SP100: variants seen among roughly 807,000 people sequenced by gnomAD.
The protein encoded by SP100 is nuclear autoantigen Sp-100.
SP100 carries 84 observed loss-of-function variants against 130.0 expected under a neutral mutation model. The observed-to-expected ratio is 0.65, with a 90% confidence interval of 0.54 to 0.77. The LOEUF is 0.77. Ranked by LOEUF, SP100 falls within the 30% of genes least tolerant of loss-of-function variation. SP100 has a pLI of 0.00. For synonymous variants in SP100, 331 were observed against 351.7 expected (o/e 0.94, Z 0.66); for missense variants, 978 against 1,052.2 (o/e 0.93, Z 0.97).
intron 24 of SP100, among the ~76,000 whole-genome samples, chr2:230,513,702 C>T (rs921159068): frequency 3.5e-4 from 53 of 152,320 alleles, no homozygotes; most frequent in Non-Finnish European, 1.0e-4. Flanking sequence ...TAGGTCATGA[C>T]ACACAGCTAC....
At position 230,523,909 on chromosome 2, in the gene SP100, CA is replaced by C. The variant is rs968309896; in HGVS notation, c.2094+12754del. ...AAGTGACAAGAGTGAGACTCCATCT[CA>C]AAAAAAAAAATTATTGGTAAAATAA... On this transcript the variant is annotated intron_variant, in intron 24 of 28. Coordinates refer to ENST00000340126, the MANE Select transcript of SP100 (RefSeq NM_001080391.2). Among the ~76,000 whole-genome samples, 132 of 143,262 alleles carry C rather than the reference CA, an allele frequency of 9.2e-4. 1 individual carries two copies. The highest frequency in any genetic ancestry group is 4.4e-3 in the South Asian group (20 of 4,548). The allele number at this position is 143,262 out of a possible 152,430, so 94.0% of individuals were successfully genotyped here.
chr2:230,430,153 C>T (rs1383899767), intron 2 of SP100, among the ~76,000 whole-genome samples: 2 of 152,182 alleles, frequency 1.3e-5, no homozygotes, highest in Non-Finnish European at 2.9e-5. Context: ...GAGTTCTGGG[C>T]AGGTCAGCTG....
intron 24 of SP100, among the ~76,000 whole-genome samples, chr2:230,525,163 T>G (rs559784963): frequency 4.6e-5 from 7 of 151,870 alleles, no homozygotes; most frequent in African/African-American, 1.7e-4. Context: ...ACTTATTTTT[T>G]AAAAAAAAGA....
At chr2:230,424,812 T>A (rs1343879457) in intron 2 of SP100, among the ~76,000 whole-genome samples, 1 of 151,812 alleles carries the variant, frequency 6.6e-6, no homozygotes, top group Non-Finnish European at 1.5e-5. Flanking sequence ...GTGATGGGAG[T>A]GGGAGGTTTC....
At chr2:230,497,787 A>C (rs996340231) in intron 18 of SP100, among the ~76,000 whole-genome samples, 2 of 152,244 alleles carry the variant, frequency 1.3e-5, no homozygotes, top group Admixed American at 6.5e-5. Flanking sequence ...ATCTCTATAC[A>C]AATTCCCCTT....
intron 2 of SP100, among the ~76,000 whole-genome samples, chr2:230,427,099 A>C (rs2062953693): frequency 2.0e-5 from 3 of 152,022 alleles, no homozygotes; most frequent in Admixed American, 1.3e-4. Context: ...TTTGCATGGA[A>C]TATCTTTTTT....
At chr2:230,422,442 T>C (rs1414497785) in intron 2 of SP100, among the ~76,000 whole-genome samples, 2 of 152,176 alleles carry the variant, frequency 1.3e-5, no homozygotes, top group Non-Finnish European at 2.9e-5. Context: ...CATTTTGATT[T>C]TTCATTTTCC....
intron 19 of SP100, among the ~76,000 whole-genome samples, chr2:230,502,300 C>T (rs2067081955): frequency 6.6e-6 from 1 of 152,282 alleles, no homozygotes; most frequent in Admixed American, 6.5e-5. Flanking sequence ...GTTTTTAAGT[C>T]CTTGGTCATT....
At chr2:230,434,651 G>A (rs2063195238) in intron 2 of SP100, among the ~76,000 whole-genome samples, 1 of 152,088 alleles carries the variant, frequency 6.6e-6, no homozygotes, top group Non-Finnish European at 1.5e-5. Context: ...GGCAGGCTAA[G>A]GGGATTGTGA....
intron 2 of SP100, among the ~76,000 whole-genome samples, chr2:230,434,273 T>C (rs2063182254): frequency 6.6e-6 from 1 of 152,192 alleles, no homozygotes; most frequent in Admixed American, 6.5e-5. Flanking sequence ...ACAGTGTATA[T>C]TTACAATAAT....
chr2:230,472,947 A>C (rs1559507769), intron 15 of SP100, among the ~76,000 whole-genome samples: 1 of 152,144 alleles, frequency 6.6e-6, no homozygotes, highest in Non-Finnish European at 1.5e-5. Context: ...CATTCATCCA[A>C]GTGTCAGAAG....
At chr2:230,455,442 T>G (rs910688856) in intron 8 of SP100, among the ~76,000 whole-genome samples, 11 of 152,226 alleles carry the variant, frequency 7.2e-5, no homozygotes, top group Non-Finnish European at 1.2e-4. Context: ...ACCTGTGCTT[T>G]CTTTCTTTCA....
Position 230,462,471 on chromosome 2 carries a change from T to G in SP100, c.1010T>G (p.Val337Gly). ...GAGGACTCTGAAGGATCCACTGACGTTGATGAGCCCTTAGAAGTCTTCATC... is the reference window on the plus strand; with the variant it reads ...GAGGACTCTGAAGGATCCACTGACGGTGATGAGCCCTTAGAAGTCTTCATC... ...SSEDSEGSTD[V>G]DEPLEVFISA... is the part of the protein sequence containing the mutation. Residue 337 changes from valine to glycine, a missense_variant, in exon 10 of 29, where the codon GTT becomes GGT. Val to Gly is a moderately radical substitution (Grantham distance 109). Transcript: ENST00000340126. 1 of 1,614,016 alleles carries G rather than the reference T, an allele frequency of 6.2e-7. No individual in the cohort carries two copies. The highest frequency in any genetic ancestry group is 1.1e-5 in the South Asian group (1 of 91,076).
At chr2:230,505,335 A>G (rs998657951) in intron 21 of SP100, among the ~76,000 whole-genome samples, 1 of 152,240 alleles carries the variant, frequency 6.6e-6, no homozygotes, top group African/African-American at 2.4e-5. Flanking sequence ...TGGAAAATGT[A>G]CACATCTGAG....
intron 2 of SP100, among the ~76,000 whole-genome samples, chr2:230,437,861 C>T (rs2063341554): frequency 6.6e-6 from 1 of 152,104 alleles, no homozygotes; most frequent in Admixed American, 6.6e-5. Context: ...CAGCCGTGTT[C>T]TCTGTTTTTA....
chr2:230,489,858 T>C (rs1272468354), intron 17 of SP100, among the ~76,000 whole-genome samples: 1 of 152,136 alleles, frequency 6.6e-6, no homozygotes, highest in Non-Finnish European at 1.5e-5. Flanking sequence ...TTCTAATTTG[T>C]TTGTGCTGTG....
At chr2:230,449,053 AT>A in intron 5 of SP100, 34 bp from the exon 6 acceptor site, 1 of 1,336,676 alleles carries the variant, frequency 7.5e-7, no homozygotes, top group Non-Finnish European at 1.1e-6. Context: ...CCATACCTCG[AT>A]TTCTGAAATA....
At chr2:230,511,236 T>A in intron 24 of SP100, 70 bp downstream of exon 24, 2 of 1,042,768 alleles carry the variant, frequency 1.9e-6, no homozygotes, top group Non-Finnish European at 3.0e-6. Context: ...ATGTCATGAC[T>A]GCCTTTCCCC....
At chr2:230,457,382 T>C (rs2064334229) in intron 8 of SP100, among the ~76,000 whole-genome samples, 1 of 152,144 alleles carries the variant, frequency 6.6e-6, no homozygotes. Flanking sequence ...GCTGAAATAG[T>C]GCTGTAGGAG....
Sources: allele counts gnomAD v4.1 joint callset (sites outside exome capture counted in the v4.1 genomes callset), GRCh38; gene constraint gnomAD v4.1.1; transcripts MANE v1.5; gene names NCBI Gene and HGNC (gene_info 2026-07-23, HGNC 2026-07-21).